Variants in IPO7 observed in about 807,000 individuals in gnomAD.
The protein encoded by IPO7 is importin-7.
In IPO7, 13 loss-of-function variants were observed where a neutral mutation model predicts 136.4. That is an observed-to-expected ratio of 0.10 (90% CI 0.06 to 0.15). The LOEUF (loss-of-function observed/expected upper bound fraction) is 0.15, where lower values mean the gene tolerates loss of function less well. Ranked by LOEUF, IPO7 falls within the 10% of genes least tolerant of loss-of-function variation. The pLI is 1.00. For synonymous variants in IPO7, 403 were observed against 404.4 expected (o/e 1.00, Z 0.04); for missense variants, 857 against 1,240.6 (o/e 0.69, Z 4.65).
intron 14 of IPO7, 126 bp from the exon 15 acceptor site, chr11:9,429,548 C>A: frequency 1.7e-6 from 1 of 604,360 alleles, no homozygotes; most frequent in Non-Finnish European, 2.8e-6. Flanking sequence ...AGCCATAATC[C>A]TAGAAACTTG....
intron 12 of IPO7, among the ~76,000 whole-genome samples, chr11:9,426,141 A>G (rs921149710): frequency 1.3e-5 from 2 of 152,206 alleles, no homozygotes; most frequent in African/African-American, 2.4e-5. Flanking sequence ...TATCACCCCC[A>G]GAAGGAACTC....
chr11:9,390,831 G>T (rs942641696), intron 1 of IPO7, among the ~76,000 whole-genome samples: 4 of 151,978 alleles, frequency 2.6e-5, no homozygotes, highest in Non-Finnish European at 4.4e-5. Flanking sequence ...ATGCAGTGGC[G>T]CAGTCTTGGT....
Position 9,397,361 on chromosome 11 carries a change from T to TATATATTA in IPO7, c.85-5925_85-5924insATTAATAT, listed in dbSNP as rs377148636. 1.9e-3 allele frequency among the ~76,000 whole-genome samples: 80 copies of TATATATTA among 42,228 alleles called. 3 individuals are homozygous for TATATATTA. The highest frequency in any genetic ancestry group is 2.4e-3 in the East Asian group (1 of 410). The allele number at this position is 42,228 out of a possible 152,430, so 27.7% of individuals were successfully genotyped here. On this transcript the variant is annotated intron_variant, in intron 1 of 24. Coordinates refer to ENST00000379719, the MANE Select transcript of IPO7 (RefSeq NM_006391.3). ...AAAAAAATATATATATATATATATA[T>TATATATTA]ATATTAGTCGGGCACGGTGGCAGGT...
At chr11:9,392,603 T>C (rs536466419) in intron 1 of IPO7, among the ~76,000 whole-genome samples, 2 of 152,240 alleles carry the variant, frequency 1.3e-5, no homozygotes, top group Admixed American at 1.3e-4. Flanking sequence ...TGAAGTATAG[T>C]AGCTAATTGA....
chr11:9,392,168 A>ATTT (rs1854642609), intron 1 of IPO7: 10 of 339,914 alleles, frequency 2.9e-5, no homozygotes, highest in East Asian at 9.2e-5. Flanking sequence ...CCTTTGTCAA[A>ATTT]TTCTTTTTTT....
chr11:9,397,672 A>G (rs1333785063), intron 1 of IPO7, among the ~76,000 whole-genome samples: 4 of 151,910 alleles, frequency 2.6e-5, no homozygotes, highest in Admixed American at 1.3e-4. Flanking sequence ...AAAACCATGT[A>G]TGTGTGCTTT....
At position 9,390,942 on chromosome 11, in the gene IPO7, G is replaced by A. The variant is rs540759210; in HGVS notation, c.84+6095G>A. 2.0e-3 allele frequency among the ~76,000 whole-genome samples: 307 copies of A among 151,990 alleles called. 2 individuals are homozygous for A. The highest frequency in any genetic ancestry group is 7.1e-3 in the African/African-American group (293 of 41,480). On this transcript the variant is annotated intron_variant, in intron 1 of 24. Transcript: ENST00000379719. Reference sequence around the variant, plus strand: ...CCGCCACCACTCCTGGCTAATTTTTGTATTTTTGGTAGAGATGGGGTTTCA... The same window carrying A: ...CCGCCACCACTCCTGGCTAATTTTTATATTTTTGGTAGAGATGGGGTTTCA...
chr11:9,438,051 T>C (rs576425829), intron 21 of IPO7, 29 bp from the exon 22 acceptor site: 1 of 424,384 alleles, frequency 2.4e-6, no homozygotes, highest in East Asian at 5.8e-5. Context: ...AACAGTTTTT[T>C]TTTTTTTTTT....
At chr11:9,420,806 C>G (rs1158807280) in intron 8 of IPO7, 108 bp downstream of exon 8, 1 of 715,730 alleles carries the variant, frequency 1.4e-6, no homozygotes, top group African/African-American at 1.8e-5. Flanking sequence ...TGTTTGGACC[C>G]TGTACCAGGT....
In IPO7 at chr11:9,438,166, G is replaced by A; in HGVS notation, c.2576G>A (p.Gly859Glu). ...CCCCAAGTTTTAAATCAGGTTTCTG[G>A]ACAGATTTTGCCGGCTTTTATCCTT... ...QIPQVLNQVS[G>E]QILPAFILLF... The change falls in exon 22 of 25, where the codon GGA becomes GAA. Residue 859 changes from glycine to glutamate, a missense_variant. By Grantham distance (98) the Gly-to-Glu change is moderately conservative (BLOSUM62 -2). Transcript: ENST00000379719. 6.2e-7 allele frequency: 1 copy of A among 1,603,828 alleles called. No homozygotes were observed. The highest frequency in any genetic ancestry group is 2.3e-5 in the East Asian group (1 of 44,376).
chr11:9,422,077 C>T (rs1855140359), intron 8 of IPO7, among the ~76,000 whole-genome samples: 1 of 152,086 alleles, frequency 6.6e-6, no homozygotes, highest in Non-Finnish European at 1.5e-5. Flanking sequence ...GCCAGGAGTT[C>T]GAGACCAGCC....
At chr11:9,441,655 A>G (rs749310372) in intron 23 of IPO7, among the ~76,000 whole-genome samples, 3 of 152,228 alleles carry the variant, frequency 2.0e-5, no homozygotes, top group Non-Finnish European at 4.4e-5. Flanking sequence ...CTTTGTAGAC[A>G]GACACCACAT....
chr11:9,443,130 G>A (rs1050287811), intron 24 of IPO7, among the ~76,000 whole-genome samples: 1 of 152,018 alleles, frequency 6.6e-6, no homozygotes, highest in Non-Finnish European at 1.5e-5. Context: ...TTGAACCCAG[G>A]AGGCAGAGGT....
intron 4 of IPO7, among the ~76,000 whole-genome samples, chr11:9,414,020 T>C (rs1855004607): frequency 6.6e-6 from 1 of 152,156 alleles, no homozygotes; most frequent in Non-Finnish European, 1.5e-5. Flanking sequence ...AGGATACTCA[T>C]GTGTGCCTTG....
chr11:9,419,091 T>G (rs1161100499), intron 6 of IPO7, among the ~76,000 whole-genome samples: 2 of 152,206 alleles, frequency 1.3e-5, no homozygotes, highest in Non-Finnish European at 1.5e-5. Context: ...CACATGTTTT[T>G]CACACTCTTG....
Position 9,429,627 on chromosome 11 carries a change from A to G in IPO7, c.1592-47A>G, listed in dbSNP as rs367657779. Reference sequence around the variant, plus strand: ...TCGATATTTGTTATATCAGGTTTTAAGAAGTTTTAGGGGTTTTACGCAAGT... The same window carrying G: ...TCGATATTTGTTATATCAGGTTTTAGGAAGTTTTAGGGGTTTTACGCAAGT... On this transcript the variant is annotated intron_variant, in intron 14 of 24. Coordinates refer to ENST00000379719, the MANE Select transcript of IPO7 (RefSeq NM_006391.3). 761 of 1,487,422 alleles carry G rather than the reference A, an allele frequency of 5.1e-4. 13 individuals are homozygous for G. The South Asian group carries it at 8.9e-3, about 17-fold the overall frequency. The allele number at this position is 1,487,422 out of a possible 1,614,324, so 92.1% of individuals were successfully genotyped here. A position where few individuals can be genotyped will look rare whatever the true frequency, so the allele number is the denominator to read the frequency against.
chr11:9,444,070 T>A (rs574027235), intron 24 of IPO7, among the ~76,000 whole-genome samples: 101 of 151,666 alleles, frequency 6.7e-4, no homozygotes, highest in African/African-American at 2.2e-3. Context: ...AGGTCAGGAG[T>A]TTGAGAGCAG....
At chr11:9,390,010 C>T (rs1205497678) in intron 1 of IPO7, among the ~76,000 whole-genome samples, 2 of 152,150 alleles carry the variant, frequency 1.3e-5, no homozygotes, top group Non-Finnish European at 2.9e-5. Flanking sequence ...CCCACCTCAG[C>T]CTCCCAAAGT....
rs1385896033 is a variant in IPO7 at position 9,384,684 on chromosome 11, CGGGT to C, written c.-79_-76del. On this transcript the variant is annotated 5_prime_UTR_variant, in exon 1 of 25. Transcript: ENST00000379719. ...CGCCGGTTGCCGCTGCGGAGCGCGG[CGGGT>C]CCATGTGCGCAGTGAGTGGCGCTAT... The C allele has an allele frequency of 1.7e-6, 2 of 1,176,566 alleles. No homozygotes were observed. Among genetic ancestry groups the C allele is most frequent in the Non-Finnish European group, 2.4e-6 (2 of 833,698 alleles). 72.9% of individuals were successfully genotyped at this position (1,176,566 alleles called of 1,614,324 possible).
Sources: allele counts gnomAD v4.1 joint callset (sites outside exome capture counted in the v4.1 genomes callset), GRCh38; gene constraint gnomAD v4.1.1; transcripts MANE v1.5; gene names NCBI Gene and HGNC (gene_info 2026-07-23, HGNC 2026-07-21).